The following USP34 variants were observed in gnomAD, a reference collection of about 807,000 sequenced individuals.
USP34 encodes the protein ubiquitin specific peptidase 34.
USP34 carries 70 observed loss-of-function variants against 460.3 expected under a neutral mutation model. That is an observed-to-expected ratio of 0.15 (90% CI 0.13 to 0.19). The LOEUF is 0.19. Among genes scored for constraint, USP34 ranks in the 10% least tolerant of loss-of-function variants. The probability of loss-of-function intolerance (pLI) is 1.00; values close to 1 mark genes in which losing one functional copy is unlikely to be tolerated. For synonymous variants in USP34, 1,647 were observed against 1,405.3 expected, an observed-to-expected ratio of 1.17 and a Z score of -3.85; for missense variants, 3,985 against 4,236.2, an observed-to-expected ratio of 0.94 and a Z score of 1.65.
chr2:61,304,559 A>G (rs79301111), intron 27 of USP34, among the ~76,000 whole-genome samples: 2,229 of 152,324 alleles, frequency 0.015, 31 homozygotes, highest in Middle Eastern at 0.024. Context: ...TGTCTCTACA[A>G]AAGAGGCTCA....
At chr2:61,314,517 G>T (rs1690685240) in intron 25 of USP34, 68 bp downstream of exon 25, 2 of 1,320,438 alleles carry the variant, frequency 1.5e-6, no homozygotes, top group African/African-American at 1.5e-5. Flanking sequence ...TTCACTTTAA[G>T]AATATTTCTG....
intron 1 of USP34, among the ~76,000 whole-genome samples, chr2:61,437,978 G>C (rs751507936): frequency 4.8e-4 from 73 of 151,690 alleles, no homozygotes; most frequent in Non-Finnish European, 9.0e-4. Flanking sequence ...TTGAAGCAAA[G>C]TTAATTCTTC....
At chr2:61,235,625 AAAC>A (rs1190709599) in intron 57 of USP34, among the ~76,000 whole-genome samples, 2 of 152,112 alleles carry the variant, frequency 1.3e-5, no homozygotes. Context: ...CACCTGGCCA[AAAC>A]ATGAATTTTT....
intron 43 of USP34, among the ~76,000 whole-genome samples, chr2:61,264,163 G>C (rs1472543164): frequency 1.3e-5 from 2 of 152,102 alleles, no homozygotes; most frequent in Admixed American, 1.3e-4. Context: ...ACTACTTTTA[G>C]TCATAATGTA....
At chr2:61,290,374 T>C (rs1053808018) in intron 33 of USP34, among the ~76,000 whole-genome samples, 2 of 152,286 alleles carry the variant, frequency 1.3e-5, no homozygotes, top group African/African-American at 4.8e-5. Context: ...ATATACCAAA[T>C]GACCTGTATG....
intron 43 of USP34, among the ~76,000 whole-genome samples, chr2:61,261,752 ATCT>A (rs766197833): frequency 2.0e-5 from 3 of 152,196 alleles, no homozygotes; most frequent in African/African-American, 4.8e-5. Context: ...TGAAGTGTTC[ATCT>A]TAAGAATAAA....
chr2:61,330,476 A>C (rs974333584), intron 20 of USP34, among the ~76,000 whole-genome samples: 3 of 152,220 alleles, frequency 2.0e-5, no homozygotes, highest in Admixed American at 6.5e-5. Context: ...TATTTTTAGA[A>C]GTATGCATGC....
At chr2:61,391,924 CAG>C (rs936640212) in intron 5 of USP34, among the ~76,000 whole-genome samples, 1 of 151,980 alleles carries the variant, frequency 6.6e-6, no homozygotes, top group African/African-American at 2.4e-5. Context: ...AATTAACAAA[CAG>C]ATTATATAGT....
At chr2:61,330,479 A>G (rs1158456510) in intron 20 of USP34, among the ~76,000 whole-genome samples, 1 of 152,184 alleles carries the variant, frequency 6.6e-6, no homozygotes, top group Non-Finnish European at 1.5e-5. Context: ...TTTTAGAAGT[A>G]TGCATGCCTT....
At chr2:61,431,881 T>A (rs900386343) in intron 1 of USP34, among the ~76,000 whole-genome samples, 2 of 151,488 alleles carry the variant, frequency 1.3e-5, no homozygotes, top group Non-Finnish European at 2.9e-5. Context: ...AAAAGATAAA[T>A]AAATAGCAGA....
chr2:61,335,824 A>G (rs1228062088), intron 18 of USP34, among the ~76,000 whole-genome samples: 1 of 152,156 alleles, frequency 6.6e-6, no homozygotes, highest in African/African-American at 2.4e-5. Context: ...ATTATACTGA[A>G]TTGCACTAGT....
intron 1 of USP34, among the ~76,000 whole-genome samples, chr2:61,439,855 A>G (rs1694916456): frequency 1.3e-5 from 2 of 152,144 alleles, no homozygotes; most frequent in African/African-American, 4.8e-5. Context: ...TGTGTGGCCC[A>G]GAGAGGTGTC....
At chr2:61,248,794 T>A (rs181774004) in intron 48 of USP34, 111 bp from the exon 49 acceptor site, 223 of 1,027,930 alleles carry the variant, frequency 2.2e-4, no homozygotes, top group Non-Finnish European at 2.8e-4. Flanking sequence ...TTAAGAAGTA[T>A]AGTAGTTCCC....
At position 61,311,630 on chromosome 2, in the gene USP34, G is replaced by T. The variant is rs753533125; in HGVS notation, c.3727C>A (p.His1243Asn). The part of the protein sequence containing the change: ...QVADLRAEVT[H>N]WYENLQKEQI... ...TCTTTCTGTAAATTTTCATACCAATGAGTTACTTCAGCCCTAAGATCTGCT... is the reference window on the plus strand; with the variant it reads ...TCTTTCTGTAAATTTTCATACCAATTAGTTACTTCAGCCCTAAGATCTGCT... The change falls in exon 27 of 80, where the codon CAT becomes AAT. Residue 1243 changes from histidine to asparagine, a missense_variant. Transcript: ENST00000398571. 1 of 1,613,528 alleles carries T rather than the reference G, an allele frequency of 6.2e-7. No individual in the cohort carries two copies. The highest frequency in any genetic ancestry group is 1.3e-5 in the African/African-American group (1 of 74,900).
At chr2:61,395,691 CAGG>C (rs1351681512) in intron 3 of USP34, among the ~76,000 whole-genome samples, 1 of 143,216 alleles carries the variant, frequency 7.0e-6, no homozygotes, top group Non-Finnish European at 1.5e-5. Flanking sequence ...GAGGCTGAGG[CAGG>C]AGAATGGCGT....
chr2:61,455,168 C>T (rs919935014), intron 1 of USP34, among the ~76,000 whole-genome samples: 9 of 150,808 alleles, frequency 6.0e-5, no homozygotes, highest in African/African-American at 1.7e-4. Flanking sequence ...AGGTGTGGGC[C>T]GCCACACCCC....
chr2:61,370,349 T>G lies in USP34; in HGVS notation c.1223A>C (p.His408Pro). Residue 408 changes from histidine (H) to proline (P), a missense_variant, in exon 10 of 80, where the codon CAT (histidine) becomes CCT (proline). Coordinates refer to ENST00000398571, the MANE Select transcript of USP34 (RefSeq NM_014709.4). ...LAAEGRLSTQ[H>P]IDCIWAAAQL... ...TGCTGCAGCCCAAATACAGTCAATA[T>G]GTTGAGTACTCAGTCGCCCTTCTGC... The G allele has an allele frequency of 1.2e-6, 2 of 1,614,118 alleles. No individual in the cohort carries two copies. The highest frequency in any genetic ancestry group is 1.7e-6 in the Non-Finnish European group (2 of 1,179,976).
chr2:61,373,443 A>T (rs893506330), intron 8 of USP34, among the ~76,000 whole-genome samples: 2 of 152,136 alleles, frequency 1.3e-5, no homozygotes, highest in South Asian at 4.2e-4. Context: ...ACTGAAAATA[A>T]AAGAATGGAA....
intron 22 of USP34, 137 bp downstream of exon 22, chr2:61,319,036 T>C (rs1690834690): frequency 1.3e-6 from 1 of 784,474 alleles, no homozygotes; most frequent in Non-Finnish European, 1.9e-6. Flanking sequence ...AAAAATTATA[T>C]TAGGACTGCT....
Sources: allele counts gnomAD v4.1 joint callset (sites outside exome capture counted in the v4.1 genomes callset), GRCh38; gene constraint gnomAD v4.1.1; transcripts MANE v1.5; gene names NCBI Gene and HGNC (gene_info 2026-07-23, HGNC 2026-07-21).